The following PAQR5 variants were observed in gnomAD, a reference collection of about 807,000 sequenced individuals.
PAQR5 encodes the protein membrane progestin receptor gamma.
In PAQR5, 20 loss-of-function variants were observed where a neutral mutation model predicts 34.5. The ratio of observed to expected loss-of-function variants is 0.58; its 90% CI spans 0.41 to 0.84. The LOEUF is 0.84. Among genes scored for constraint, PAQR5 ranks in the 40% least tolerant of loss-of-function variants. PAQR5 has a pLI of 0.00. For missense variants in PAQR5, 378 were observed against 412.7 expected, an observed-to-expected ratio of 0.92 and a Z score of 0.73; for synonymous variants, 131 against 155.6, an observed-to-expected ratio of 0.84 and a Z score of 1.18.
chr15:69,357,056 GTCTC>G (rs936927250), intron 2 of PAQR5, among the ~76,000 whole-genome samples: 1 of 151,196 alleles, frequency 6.6e-6, no homozygotes, highest in Non-Finnish European at 1.5e-5. Flanking sequence ...CCCACCCACT[GTCTC>G]TCTCTCTCTC....
chr15:69,301,382 C>A (rs1251926635), intron 1 of PAQR5, among the ~76,000 whole-genome samples: 1 of 152,174 alleles, frequency 6.6e-6, no homozygotes, highest in Admixed American at 6.5e-5. Flanking sequence ...CTGGTGGGTT[C>A]CATGCCAAGC....
chr15:69,340,662 G>A (rs374241634), intron 2 of PAQR5, among the ~76,000 whole-genome samples: 2 of 152,126 alleles, frequency 1.3e-5, no homozygotes, highest in East Asian at 1.9e-4. Flanking sequence ...TTGGCATGGC[G>A]GGGTGAGCTT....
chr15:69,319,522 C>T (rs1287541900), intron 1 of PAQR5, among the ~76,000 whole-genome samples: 1 of 151,838 alleles, frequency 6.6e-6, no homozygotes, highest in Non-Finnish European at 1.5e-5. Flanking sequence ...GGCAGCACCC[C>T]AAGGGACCCT....
At chr15:69,316,007 A>G (rs1026890062) in intron 1 of PAQR5, among the ~76,000 whole-genome samples, 1 of 151,354 alleles carries the variant, frequency 6.6e-6, no homozygotes, top group Non-Finnish European at 1.5e-5. Context: ...TACTATTTAC[A>G]CCTTCTGAGC....
chr15:69,377,164 T>G (rs2055730733), intron 3 of PAQR5, among the ~76,000 whole-genome samples: 1 of 152,234 alleles, frequency 6.6e-6, no homozygotes, highest in Non-Finnish European at 1.5e-5. Flanking sequence ...CAGTGGCCAG[T>G]GCTTTAATTA....
chr15:69,343,149 G>A (rs767810161), intron 2 of PAQR5, among the ~76,000 whole-genome samples: 19 of 152,222 alleles, frequency 1.2e-4, no homozygotes, highest in Non-Finnish European at 2.5e-4. Flanking sequence ...TTTAAAGCAA[G>A]CATGGAGAAA....
chr15:69,336,894 A>G (rs2054526819), intron 1 of PAQR5, among the ~76,000 whole-genome samples: 1 of 152,204 alleles, frequency 6.6e-6, no homozygotes, highest in Non-Finnish European at 1.5e-5. Flanking sequence ...ATGCCACAGA[A>G]GTGGAAGAAC....
At chr15:69,320,147 T>C (rs1390946071) in intron 1 of PAQR5, among the ~76,000 whole-genome samples, 2 of 152,234 alleles carry the variant, frequency 1.3e-5, no homozygotes, top group Admixed American at 1.3e-4. Context: ...TTTCCCAGCC[T>C]TGGGGGAGGA....
chr15:69,378,933 A>G (rs891325346), intron 3 of PAQR5, among the ~76,000 whole-genome samples: 1 of 152,190 alleles, frequency 6.6e-6, no homozygotes, highest in East Asian at 1.9e-4. Flanking sequence ...GATCTGGCCC[A>G]AAGTGTCAAT....
At chr15:69,346,418 G>A (rs1406895879) in intron 2 of PAQR5, among the ~76,000 whole-genome samples, 2 of 133,444 alleles carry the variant, frequency 1.5e-5, no homozygotes, top group Non-Finnish European at 3.1e-5. Context: ...CCATTCTCCC[G>A]CCTTAGCCTC....
chr15:69,397,637 G>A, intron 7 of PAQR5, 73 bp downstream of exon 7: 1 of 1,018,116 alleles, frequency 9.8e-7, no homozygotes, highest in Non-Finnish European at 1.6e-6. Context: ...GAGCTTCTGG[G>A]GGGTCACAGC....
At position 69,335,895 on chromosome 15, in the gene PAQR5, T is replaced by A. The variant is rs1341662207; in HGVS notation, c.-276-1446T>A. ...CTGGATCGAGATATAAAATTTTATT[T>A]AAAAAACTAGCTTTAACATTAAAGA... On this transcript the variant is annotated intron_variant, in intron 1 of 8. Transcript: ENST00000395407. Among the ~76,000 whole-genome samples, 4 of 152,216 alleles carry A rather than the reference T, an allele frequency of 2.6e-5. 1 individual carries two copies. Among genetic ancestry groups the A allele is most frequent in the Non-Finnish European group, 4.4e-5 (3 of 68,038 alleles).
chr15:69,371,685 A>T (rs1050968607), intron 3 of PAQR5, among the ~76,000 whole-genome samples: 3 of 152,092 alleles, frequency 2.0e-5, no homozygotes, highest in Non-Finnish European at 4.4e-5. Flanking sequence ...ATTTTATCTG[A>T]TTGGAAAGTC....
At position 69,334,777 on chromosome 15, in the gene PAQR5, G is replaced by T. The variant is rs938759602; in HGVS notation, c.-276-2564G>T. ...ATGGGAATATGGCTTTTGTTAAAGG[G>T]AATGTAATTTTGTCTACTTCAGAGG... On this transcript the variant is annotated intron_variant, in intron 1 of 8. Coordinates refer to ENST00000395407, the MANE Select transcript of PAQR5 (RefSeq NM_017705.4). Among the ~76,000 whole-genome samples, 4 of 79,100 alleles carry T rather than the reference G, an allele frequency of 5.1e-5. No individual in the cohort carries two copies. In the South Asian group the frequency reaches 2.8e-3, roughly 55 times the overall value. The allele number at this position is 79,100 out of a possible 152,430, so 51.9% of individuals were successfully genotyped here. A position where few individuals can be genotyped will look rare whatever the true frequency, so the allele number is the denominator to read the frequency against.
At chr15:69,389,873 C>T (rs1283242855) in intron 6 of PAQR5, 93 bp downstream of exon 6, 2 of 1,460,378 alleles carry the variant, frequency 1.4e-6, no homozygotes, top group East Asian at 4.6e-5. Context: ...GAGGTGGGCT[C>T]AATGGAAAAG....
intron 6 of PAQR5, among the ~76,000 whole-genome samples, chr15:69,390,360 A>ATTTTTTTT (rs543005498): frequency 0.015 from 2,034 of 135,824 alleles, 111 homozygotes; most frequent in Admixed American, 0.08. Flanking sequence ...TTATTTATTT[A>ATTTTTTTT]TTTTTTTGAG....
intron 4 of PAQR5, among the ~76,000 whole-genome samples, chr15:69,383,979 C>G (rs1316547565): frequency 1.4e-5 from 1 of 70,314 alleles, no homozygotes; most frequent in Non-Finnish European, 2.7e-5. Flanking sequence ...CTGTGTTCAT[C>G]GTGGAGGGTG....
intron 4 of PAQR5, among the ~76,000 whole-genome samples, chr15:69,381,593 G>A (rs1208620249): frequency 6.6e-6 from 1 of 152,170 alleles, no homozygotes; most frequent in Non-Finnish European, 1.5e-5. Context: ...AGCTGGGTGA[G>A]CCGCACCCCC....
intron 2 of PAQR5, among the ~76,000 whole-genome samples, chr15:69,341,758 A>C (rs2054650047): frequency 6.6e-6 from 1 of 152,006 alleles, no homozygotes; most frequent in Non-Finnish European, 1.5e-5. Context: ...CAGCCTGGAC[A>C]ATATAGGGAG....
Sources: gnomAD v4.1 joint callset for allele counts (sites outside exome capture counted in the v4.1 genomes callset) on GRCh38, gnomAD v4.1.1 for gene constraint, MANE v1.5 for transcripts, NCBI Gene and HGNC (gene_info 2026-07-23, HGNC 2026-07-21) for gene names.